Variants in VWA3B observed in about 807,000 individuals in gnomAD.
The protein encoded by VWA3B is von Willebrand factor A domain containing 3B, also known as von Willebrand factor A domain-containing protein 3B.
In VWA3B, 138 loss-of-function variants were observed where a neutral mutation model predicts 158.3. The ratio of observed to expected loss-of-function variants is 0.87; its 90% CI spans 0.76 to 1.00. The LOEUF (loss-of-function observed/expected upper bound fraction) is 1.00. VWA3B is among the 50% of genes least tolerant of loss of function. The pLI, the probability that VWA3B is intolerant of heterozygous loss-of-function variation, is 0.00. For missense variants in VWA3B, 1,555 were observed against 1,565.1 expected (o/e 0.99, Z 0.11); for synonymous variants, 596 against 587.3 (o/e 1.01, Z -0.21).
At chr2:98,133,671 G>A in intron 6 of VWA3B, 153 bp from the exon 7 acceptor site, 1 of 646,064 alleles carries the variant, frequency 1.5e-6, no homozygotes, top group East Asian at 2.5e-5. Flanking sequence ...TTTGCTTGTG[G>A]AATTGACAAG....
At chr2:98,113,216 G>A (rs1046256559) in intron 2 of VWA3B, among the ~76,000 whole-genome samples, 4 of 151,480 alleles carry the variant, frequency 2.6e-5, no homozygotes, top group Non-Finnish European at 4.4e-5. Flanking sequence ...ATAATTTTTT[G>A]TTCTATGCTG....
At chr2:98,305,751 G>T (rs1167748475) in intron 26 of VWA3B, among the ~76,000 whole-genome samples, 1 of 152,034 alleles carries the variant, frequency 6.6e-6, no homozygotes, top group Non-Finnish European at 1.5e-5. Context: ...TGGTCTCCAG[G>T]TTGCAGGCAT....
intron 8 of VWA3B, among the ~76,000 whole-genome samples, chr2:98,178,824 T>C (rs781617891): frequency 6.6e-5 from 10 of 152,102 alleles, no homozygotes; most frequent in Admixed American, 2.0e-4. Flanking sequence ...CTGTGAAAGG[T>C]TGAGAGCCAT....
intron 25 of VWA3B, among the ~76,000 whole-genome samples, chr2:98,301,504 A>C (rs1690190744): frequency 6.6e-6 from 1 of 152,188 alleles, no homozygotes; most frequent in African/African-American, 2.4e-5. Context: ...AAGACATGTA[A>C]AAGATGTAAA....
chr2:98,234,230 G>T (rs1384236052), intron 16 of VWA3B, among the ~76,000 whole-genome samples: 4 of 152,244 alleles, frequency 2.6e-5, no homozygotes, highest in Non-Finnish European at 5.9e-5. Flanking sequence ...CCAGCTGGTG[G>T]CAGAAGAGAA....
intron 8 of VWA3B, among the ~76,000 whole-genome samples, chr2:98,174,556 AG>A (rs762810210): frequency 8.5e-5 from 13 of 152,202 alleles, no homozygotes; most frequent in African/African-American, 1.2e-4. Flanking sequence ...TGGCTGACTA[AG>A]GTTGTAGATA....
intron 12 of VWA3B, among the ~76,000 whole-genome samples, chr2:98,211,278 A>G (rs923723725): frequency 6.6e-6 from 1 of 152,242 alleles, no homozygotes; most frequent in African/African-American, 2.4e-5. Context: ...GCTTTTGGAC[A>G]GTTCAAAGTC....
rs138902185 is a variant in VWA3B at position 98,106,403 on chromosome 2, G to A, written c.197-9249G>A. Among the ~76,000 whole-genome samples, 431 of 151,752 alleles carry A rather than the reference G, an allele frequency of 2.8e-3. 4 individuals are homozygous for A. Among genetic ancestry groups the A allele is most frequent in the Middle Eastern group, 0.01 (3 of 294 alleles). ...TAAATTTTAGAATAACTGTGTTCATGTCTACAAAAATATTGCTATAATATT... is the reference window on the plus strand; with the variant it reads ...TAAATTTTAGAATAACTGTGTTCATATCTACAAAAATATTGCTATAATATT... On this transcript the variant is annotated intron_variant, in intron 2 of 27. Transcript: ENST00000477737.
At chr2:98,195,815 CTT>C (rs1373391398) in intron 12 of VWA3B, among the ~76,000 whole-genome samples, 1 of 152,144 alleles carries the variant, frequency 6.6e-6, no homozygotes, top group Non-Finnish European at 1.5e-5. Context: ...ATTCTGTTCT[CTT>C]TACAAATTTT....
At chr2:98,099,056 T>G (rs187903369) in intron 2 of VWA3B, among the ~76,000 whole-genome samples, 114 of 152,308 alleles carry the variant, frequency 7.5e-4, no homozygotes, top group African/African-American at 2.7e-3. Flanking sequence ...CTTAGCAAAT[T>G]ATTCTAGTTA....
chr2:98,303,763 C>G lies in VWA3B; in HGVS notation c.3482C>G (p.Ser1161Cys), dbSNP rs201101807. 464 of 1,614,030 alleles carry G rather than the reference C, an allele frequency of 2.9e-4. No homozygotes were observed. The highest frequency in any genetic ancestry group is 3.8e-4 in the Non-Finnish European group (444 of 1,180,026). Residue 1161 changes from serine to cysteine, a missense_variant, in exon 26 of 28, where the codon TCT becomes TGT. Physicochemically the swap from Ser to Cys is moderately radical, Grantham distance 112. Coordinates refer to ENST00000477737, the MANE Select transcript of VWA3B (RefSeq NM_144992.5). ...CAAAACAAGTATGCGCTCTCTTGCT[C>G]TCATATAAAGTCACCCCCAATTCCT... ...ISQNKYALSC[S>C]HIKSPPIPED...
intron 9 of VWA3B, among the ~76,000 whole-genome samples, chr2:98,187,713 G>A (rs1681218796): frequency 6.7e-6 from 1 of 149,236 alleles, no homozygotes; most frequent in African/African-American, 2.5e-5. Context: ...TCGGTTGGGG[G>A]TGTCTCTATG....
chr2:98,233,961 A>C (rs1685502627), intron 16 of VWA3B, among the ~76,000 whole-genome samples: 1 of 152,254 alleles, frequency 6.6e-6, no homozygotes, highest in African/African-American at 2.4e-5. Context: ...ACACAGATTC[A>C]AGGTCAATAT....
At chr2:98,147,463 G>T (rs1677258091) in intron 7 of VWA3B, among the ~76,000 whole-genome samples, 1 of 151,962 alleles carries the variant, frequency 6.6e-6, no homozygotes, top group Non-Finnish European at 1.5e-5. Flanking sequence ...AATAATTAAG[G>T]CATAAATATA....
rs750009251 is a variant in VWA3B at position 98,128,428 on chromosome 2, T to C, written c.872+20T>C. 1.2e-6 allele frequency: 2 copies of C among 1,607,532 alleles called. No homozygotes were observed. Among genetic ancestry groups the C allele is most frequent in the Admixed American group, 3.3e-5 (2 of 59,910 alleles). ...CAGCAGGTAGGCAGAAAATGTGCTC[T>C]TGAGTGACAGCAAGCGGGTTGCCTG... is the stretch of plus-strand genomic sequence containing the variant. On this transcript the variant is annotated intron_variant, in intron 6 of 27. Transcript: ENST00000477737.
At chr2:98,265,506 G>A (rs1050830533) in intron 21 of VWA3B, among the ~76,000 whole-genome samples, 17 of 152,012 alleles carry the variant, frequency 1.1e-4, no homozygotes, top group South Asian at 4.1e-4. Context: ...ATAAACATAC[G>A]TGTGCGTGTG....
At chr2:98,292,999 G>A (rs978053281) in intron 23 of VWA3B, among the ~76,000 whole-genome samples, 3 of 151,988 alleles carry the variant, frequency 2.0e-5, no homozygotes, top group African/African-American at 7.2e-5. Flanking sequence ...AATGCTAAAA[G>A]AGACTGGATT....
At chr2:98,248,379 C>CTT (rs1363156414) in intron 19 of VWA3B, among the ~76,000 whole-genome samples, 1 of 152,112 alleles carries the variant, frequency 6.6e-6, no homozygotes, top group Non-Finnish European at 1.5e-5. Flanking sequence ...CTTTAAAAAT[C>CTT]TGCCTTTTCT....
downstream of VWA3B, among the ~76,000 whole-genome samples, chr2:98,317,540 A>G (rs1168240012): frequency 6.6e-6 from 1 of 152,224 alleles, no homozygotes; most frequent in Non-Finnish European, 1.5e-5. Flanking sequence ...CTTCATCAGC[A>G]TGATAAAACT....
Sources: allele counts gnomAD v4.1 joint callset (sites outside exome capture counted in the v4.1 genomes callset), GRCh38; gene constraint gnomAD v4.1.1; transcripts MANE v1.5; gene names NCBI Gene and HGNC (gene_info 2026-07-23, HGNC 2026-07-21).